The following PCDHGA10 variants were observed in gnomAD, a reference collection of about 807,000 sequenced individuals.
The protein encoded by PCDHGA10 is protocadherin gamma-A10.
In PCDHGA10, 42 loss-of-function variants were observed where a neutral mutation model predicts 59.5. The ratio of observed to expected loss-of-function variants is 0.71; its 90% CI spans 0.55 to 0.91. The LOEUF is 0.91. Ranked by LOEUF, PCDHGA10 falls within the 40% of genes least tolerant of loss-of-function variation. PCDHGA10 has a pLI of 0.00. For missense variants in PCDHGA10, 1,111 were observed against 1,198.2 expected, an observed-to-expected ratio of 0.93 and a Z score of 1.07; for synonymous variants, 511 against 517.2, an observed-to-expected ratio of 0.99 and a Z score of 0.16.
chr5:141,439,709 A>G (rs2098127560), intron 1 of PCDHGA10: 1 of 152,540 alleles, frequency 6.6e-6, no homozygotes, highest in African/African-American at 2.4e-5. Context: ...TATGGCTCCT[A>G]GTTCTACAAA....
In PCDHGA10 at chr5:141,427,684, C is replaced by T. The variant is rs765112627; in HGVS notation, c.2436+12073C>T. 3.6e-6 allele frequency: 3 copies of T among 841,720 alleles called. No individual in the cohort carries two copies. In the Admixed American group the frequency reaches 5.8e-5, roughly 16 times the overall value. 52.1% of individuals were successfully genotyped at this position (841,720 alleles called of 1,614,324 possible). A position where few individuals can be genotyped will look rare whatever the true frequency, so the allele number is the denominator to read the frequency against. On this transcript the variant is annotated intron_variant, in intron 1 of 3. Transcript: ENST00000398610. The stretch of plus-strand genomic sequence containing the variant: ...GTGGCCGAAAACAACCTTCCCGGAG[C>T]CTCCATCCCACAAGTCAGCGCCTCT...
At position 141,487,769 on chromosome 5, in the gene PCDHGA10, T is replaced by C. The variant is rs775270506; in HGVS notation, c.2437-7038T>C. Reference sequence around the variant, plus strand: ...TAACTATGTGGTAGACGCTGTGCTTTGTAACTGTTTCGTGAATTAACCAGA... The same window carrying C: ...TAACTATGTGGTAGACGCTGTGCTTCGTAACTGTTTCGTGAATTAACCAGA... On this transcript the variant is annotated intron_variant, in intron 1 of 3. Transcript: ENST00000398610. The surrounding 1 kb of genome is among the most constrained non-coding windows in gnomAD (Gnocchi z 5.0). 8 of 1,538,288 alleles carry C rather than the reference T, an allele frequency of 5.2e-6. No homozygotes were observed. The highest frequency in any genetic ancestry group is 1.2e-5 in the South Asian group (1 of 82,608).
chr5:141,421,194 C>G, intron 1 of PCDHGA10: 1 of 1,498,922 alleles, frequency 6.7e-7, no homozygotes, highest in South Asian at 1.3e-5. Context: ...CCAACCAGCT[C>G]GAGAAACCGC....
In PCDHGA10 at chr5:141,428,992, C is replaced by A. The variant is rs986416866; in HGVS notation, c.2436+13381C>A. The A allele has an allele frequency of 1.3e-4, 20 of 152,092 alleles. 1 individual carries two copies. Among genetic ancestry groups the A allele is most frequent in the Admixed American group, 1.2e-3 (18 of 15,248 alleles). 9.4% of individuals were successfully genotyped at this position (152,092 alleles called of 1,614,324 possible). On this transcript the variant is annotated intron_variant, in intron 1 of 3. Transcript: ENST00000398610. Reference sequence around the variant, plus strand: ...GCCTCAGCCTCCCGGGTAGCTGGGACTACAGGCGCCCGCCACCACGCCCGG... The same window carrying A: ...GCCTCAGCCTCCCGGGTAGCTGGGAATACAGGCGCCCGCCACCACGCCCGG...
intron 1 of PCDHGA10, among the ~76,000 whole-genome samples, chr5:141,470,205 G>T (rs934926584): frequency 6.6e-6 from 1 of 152,094 alleles, no homozygotes; most frequent in Non-Finnish European, 1.5e-5. Flanking sequence ...AAATATGAAG[G>T]CTAAACCATT....
rs1342481070 is a variant in PCDHGA10 at position 141,485,056 on chromosome 5, C to T, written c.2437-9751C>T. 8 of 840,338 alleles carry T rather than the reference C, an allele frequency of 9.5e-6. No homozygotes were observed. The Admixed American group carries it at 1.9e-4, about 20-fold the overall frequency. 52.1% of individuals were successfully genotyped at this position (840,338 alleles called of 1,614,324 possible). A position where few individuals can be genotyped will look rare whatever the true frequency, so the allele number is the denominator to read the frequency against. The stretch of plus-strand genomic sequence containing the variant: ...CGTAACCCTTGCGGCGCCGGCCGAA[C>T]CGCGCCAGAGCTGGCGCGGGGAAAG... On this transcript the variant is annotated intron_variant, in intron 1 of 3. Transcript: ENST00000398610. The surrounding 1 kb of genome is among the most constrained non-coding windows in gnomAD (Gnocchi z 5.7).
At chr5:141,453,969 A>T (rs543979166) in intron 1 of PCDHGA10, among the ~76,000 whole-genome samples, 13 of 152,356 alleles carry the variant, frequency 8.5e-5, no homozygotes, top group South Asian at 2.1e-4. Flanking sequence ...CAAAGCATGT[A>T]GTTGTGTTGC....
At chr5:141,496,662 T>A (rs557106775) in intron 2 of PCDHGA10, among the ~76,000 whole-genome samples, 1 of 152,344 alleles carries the variant, frequency 6.6e-6, no homozygotes, top group African/African-American at 2.4e-5. Flanking sequence ...TGACCCCAGC[T>A]GTTGTCCTTC....
chr5:141,415,515 G>C lies in PCDHGA10; in HGVS notation c.2340G>C (p.Ala780=). The C allele has an allele frequency of 6.2e-7, 1 of 1,614,152 alleles. No individual in the cohort carries two copies. The highest frequency in any genetic ancestry group is 8.5e-7 in the Non-Finnish European group (1 of 1,180,044). ...TGATCTTCCCCCAGCCCAATTATGC[G>C]GACACGCTCATCAGCCAGGAGAGCT... The part of the protein sequence containing the change: ...SHLIFPQPNY[A]DTLISQESCE... Residue 780 remains alanine (A), a synonymous_variant, in exon 1 of 4, where the codon GCG becomes GCC. Coordinates refer to ENST00000398610, the MANE Select transcript of PCDHGA10 (RefSeq NM_018913.3).
chr5:141,419,037 A>G, intron 1 of PCDHGA10: 1 of 1,613,972 alleles, frequency 6.2e-7, no homozygotes, highest in Middle Eastern at 1.6e-4. Flanking sequence ...GTTCCATTTA[A>G]GATTCATTCT....
Position 141,489,363 on chromosome 5 carries a change from G to A in PCDHGA10, c.2437-5444G>A, listed in dbSNP as rs767837736. On this transcript the variant is annotated intron_variant, in intron 1 of 3. Transcript: ENST00000398610. This position sits in a 1 kb window ranked among gnomAD's most constrained non-coding sequence, Gnocchi z 4.5. ...ACTCAGTGGTGGAGGAGTCTGAGCC[G>A]GGGACGCTGGTGGGGAATGTTGCTC... 46 of 1,613,114 alleles carry A rather than the reference G, an allele frequency of 2.9e-5. 1 individual carries two copies. In the South Asian group the frequency reaches 3.4e-4, roughly 12 times the overall value.
chr5:141,487,143 C>T lies in PCDHGA10; in HGVS notation c.2437-7664C>T. Reference sequence around the variant, plus strand: ...GATAGTGGTAGTCCACCACTCTCTACCTCTGTTACTCTCTTAGTGTCCTTA... The same window carrying T: ...GATAGTGGTAGTCCACCACTCTCTATCTCTGTTACTCTCTTAGTGTCCTTA... On this transcript the variant is annotated intron_variant, in intron 1 of 3. Coordinates refer to ENST00000398610, the MANE Select transcript of PCDHGA10 (RefSeq NM_018913.3). This position sits in a 1 kb window ranked among gnomAD's most constrained non-coding sequence, Gnocchi z 5.0. 1.2e-6 allele frequency: 2 copies of T among 1,614,028 alleles called. No homozygotes were observed. Among genetic ancestry groups the T allele is most frequent in the Non-Finnish European group, 1.7e-6 (2 of 1,179,862 alleles).
intron 1 of PCDHGA10, chr5:141,423,613 GA>G (rs1164845631): frequency 1.9e-6 from 3 of 1,610,782 alleles, no homozygotes; most frequent in Admixed American, 1.7e-5. Context: ...CTTGATAGCT[GA>G]AGACTCAGCT....
chr5:141,419,769 C>T (rs773303779), intron 1 of PCDHGA10: 6 of 1,613,888 alleles, frequency 3.7e-6, no homozygotes, highest in Non-Finnish European at 4.2e-6. Context: ...GACAAGGACT[C>T]GGTCCGCCAG....
At chr5:141,438,996 A>G (rs2098080427) in intron 1 of PCDHGA10, among the ~76,000 whole-genome samples, 1 of 151,634 alleles carries the variant, frequency 6.6e-6, no homozygotes, top group African/African-American at 2.4e-5. Flanking sequence ...AAGGCTAAGG[A>G]CCTGGTTTGT....
In PCDHGA10 at chr5:141,487,153, T is replaced by C; in HGVS notation, c.2437-7654T>C. The stretch of plus-strand genomic sequence containing the variant: ...GTCCACCACTCTCTACCTCTGTTAC[T>C]CTCTTAGTGTCCTTAGAGGAAGACA... On this transcript the variant is annotated intron_variant, in intron 1 of 3. Coordinates refer to ENST00000398610, the MANE Select transcript of PCDHGA10 (RefSeq NM_018913.3). This position sits in a 1 kb window ranked among gnomAD's most constrained non-coding sequence, Gnocchi z 5.0. 3 of 1,613,954 alleles carry C rather than the reference T, an allele frequency of 1.9e-6. No individual in the cohort carries two copies. Among genetic ancestry groups the C allele is most frequent in the Non-Finnish European group, 2.5e-6 (3 of 1,179,838 alleles).
At chr5:141,463,581 T>TG (rs2099064477) in intron 1 of PCDHGA10, among the ~76,000 whole-genome samples, 1 of 151,502 alleles carries the variant, frequency 6.6e-6, no homozygotes, top group Non-Finnish European at 1.5e-5. Context: ...CCCGAGTAGC[T>TG]GGGACTACAG....
rs771867567 is a variant in PCDHGA10 at position 141,419,867 on chromosome 5, G to A, written c.2436+4256G>A. 3.1e-6 allele frequency: 5 copies of A among 1,614,086 alleles called. No homozygotes were observed. In the South Asian group the frequency reaches 5.5e-5, roughly 18 times the overall value. On this transcript the variant is annotated intron_variant, in intron 1 of 3. Transcript: ENST00000398610. Reference sequence around the variant, plus strand: ...CCTGGTGTTCGCAGATAGCTTGCAAGAGGTACTGCCGGATTTCAGCGACCA... The same window carrying A: ...CCTGGTGTTCGCAGATAGCTTGCAAAAGGTACTGCCGGATTTCAGCGACCA...
Position 141,486,046 on chromosome 5 carries a change from C to G in PCDHGA10, c.2437-8761C>G. 1.2e-6 allele frequency: 2 copies of G among 1,614,170 alleles called. No individual in the cohort carries two copies. Among genetic ancestry groups the G allele is most frequent in the Non-Finnish European group, 1.7e-6 (2 of 1,180,036 alleles). The stretch of plus-strand genomic sequence containing the variant: ...GTCATACCCCTGATCGTGTAAGAAA[C>G]CTCTTTAGCCTGCACCCCACTACTG... On this transcript the variant is annotated intron_variant, in intron 1 of 3. Coordinates refer to ENST00000398610, the MANE Select transcript of PCDHGA10 (RefSeq NM_018913.3). This position sits in a 1 kb window ranked among gnomAD's most constrained non-coding sequence, Gnocchi z 5.0.
Sources: gnomAD v4.1 joint callset for allele counts (sites outside exome capture counted in the v4.1 genomes callset) on GRCh38, gnomAD v4.1.1 for gene constraint, Gnocchi (gnomAD v3.1) non-coding constraint, MANE v1.5 for transcripts, NCBI Gene and HGNC (gene_info 2026-07-23, HGNC 2026-07-21) for gene names.